The following DENND6B variants were observed in gnomAD, a reference collection of about 807,000 sequenced individuals.
The protein encoded by DENND6B is DENN domain containing 6B, also known as protein DENND6B.
Under a neutral mutation model 85.1 loss-of-function variants are expected in DENND6B, and 73 were observed. That is an observed-to-expected ratio of 0.86 (90% CI 0.71 to 1.04). DENND6B has a LOEUF of 1.04. DENND6B is among the 50% of genes least tolerant of loss of function. The probability of loss-of-function intolerance (pLI) is 0.00; values close to 1 mark genes in which losing one functional copy is unlikely to be tolerated. For missense variants in DENND6B, 715 were observed against 785.8 expected (o/e 0.91, Z 1.08); for synonymous variants, 357 against 329.3 (o/e 1.08, Z -0.91).
intron 8 of DENND6B, 91 bp from the exon 9 acceptor site, chr22:50,315,860 G>A (rs997435529): frequency 6.7e-6 from 10 of 1,482,024 alleles, no homozygotes; most frequent in Middle Eastern, 2.4e-4. Flanking sequence ...AGGGGAAGGT[G>A]GAGAGCACCC....
chr22:50,315,662 G>A, intron 9 of DENND6B, 52 bp downstream of exon 9: 2 of 1,539,150 alleles, frequency 1.3e-6, no homozygotes, highest in Admixed American at 2.0e-5. Context: ...ACATGCACGT[G>A]CACACACAGT....
At position 50,316,099 on chromosome 22, in the gene DENND6B, A is replaced by T; in HGVS notation, c.640-12T>A. 6.2e-7 allele frequency: 1 copy of T among 1,612,698 alleles called. No individual in the cohort carries two copies. Among genetic ancestry groups the T allele is most frequent in the Non-Finnish European group, 8.5e-7 (1 of 1,179,854 alleles). On this transcript the variant is annotated splice_polypyrimidine_tract_variant and intron_variant, in intron 7 of 19. Transcript: ENST00000413817. ...GATGGGATGCGCACCTGGGAGAAGGAGGGAGCAGCTGCCAGAGGGAGTAGG... is the reference window on the plus strand; with the variant it reads ...GATGGGATGCGCACCTGGGAGAAGGTGGGAGCAGCTGCCAGAGGGAGTAGG...
chr22:50,312,047 G>A lies in DENND6B; in HGVS notation c.*92C>T. The A allele has an allele frequency of 1.3e-6, 2 of 1,507,576 alleles. No individual in the cohort carries two copies. Among genetic ancestry groups the A allele is most frequent in the Non-Finnish European group, 1.8e-6 (2 of 1,127,120 alleles). The allele number at this position is 1,507,576 out of a possible 1,614,324, so 93.4% of individuals were successfully genotyped here. A position where few individuals can be genotyped will look rare whatever the true frequency, so the allele number is the denominator to read the frequency against. The stretch of plus-strand genomic sequence containing the variant: ...CAGTCTGGGCGGGGGGCCAAGGAAG[G>A]GGAGCGTGTGCTTGGCCCAGTGCCG... On this transcript the variant is annotated 3_prime_UTR_variant, in exon 20 of 20. Transcript: ENST00000413817.
Position 50,314,224 on chromosome 22 carries a change from G to T in DENND6B, c.1121C>A (p.Thr374Asn), listed in dbSNP as rs772756513. 62 of 1,607,556 alleles carry T rather than the reference G, an allele frequency of 3.9e-5. No homozygotes were observed. The highest frequency in any genetic ancestry group is 5.2e-5 in the Non-Finnish European group (61 of 1,179,380). Residue 374 changes from threonine (T) to asparagine (N), a missense_variant, in exon 13 of 20, where the codon ACC becomes AAC. By Grantham distance (65) the Thr-to-Asn change is moderately conservative. Coordinates refer to ENST00000413817, the MANE Select transcript of DENND6B (RefSeq NM_001001794.4). ...GCACAGACCTGGCTTGGTGTCCAGG[G>T]TCTTCAACCTTGAAGGCTTTTTCAG... ...VKLKKPSRLKTLDTKPGLYTA... is the reference protein window; with the variant it reads ...VKLKKPSRLKNLDTKPGLYTA...
intron 11 of DENND6B, 37 bp downstream of exon 11, chr22:50,314,568 G>T: frequency 1.3e-6 from 2 of 1,555,258 alleles, no homozygotes; most frequent in Non-Finnish European, 1.7e-6. Context: ...AGGCAGGGCG[G>T]AGCAAGGGCA....
Position 50,317,344 on chromosome 22 carries a change from C to A in DENND6B, c.402G>T (p.Val134=), listed in dbSNP as rs1245614545. Residue 134 remains valine (V), a synonymous_variant, in exon 5 of 20, where the codon GTG becomes GTT. Coordinates refer to ENST00000413817, the MANE Select transcript of DENND6B (RefSeq NM_001001794.4). ...QREPAHYFGY[V]YFRQVKDSSV... ...AGCTGTCCTTCACCTGCCTGAAGTA[C>A]ACGTAGCCGAAGTAGTGTGCCGGCT... 6.2e-7 allele frequency: 1 copy of A among 1,612,996 alleles called. No individual in the cohort carries two copies. Among genetic ancestry groups the A allele is most frequent in the Non-Finnish European group, 8.5e-7 (1 of 1,179,732 alleles).
chr22:50,316,760 C>A, intron 5 of DENND6B: 1 of 1,359,930 alleles, frequency 7.4e-7, no homozygotes, highest in Non-Finnish European at 9.7e-7. Context: ...ACGACCTCCC[C>A]AGGGGCTGAG....
rs2068059311 is a variant in DENND6B, at chr22:50,311,452, G to C, written c.*687C>G. 6.6e-6 allele frequency: 1 copy of C among 152,376 alleles called. No individual in the cohort carries two copies. The highest frequency in any genetic ancestry group is 2.1e-4 in the South Asian group (1 of 4,834). 9.4% of individuals were successfully genotyped at this position (152,376 alleles called of 1,614,324 possible). ...GGGACGCACGGAGCTGGTGCCTGGT[G>C]GGGGCTCCAGGACTGGGAGCCAGGA... On this transcript the variant is annotated 3_prime_UTR_variant, in exon 20 of 20. Transcript: ENST00000413817.
chr22:50,316,026 T>C lies in DENND6B; in HGVS notation c.701A>G (p.Glu234Gly). 1 of 1,612,580 alleles carries C rather than the reference T, an allele frequency of 6.2e-7. No individual in the cohort carries two copies. The highest frequency in any genetic ancestry group is 8.5e-7 in the Non-Finnish European group (1 of 1,179,794). Residue 234 changes from glutamate (E) to glycine (G), a missense_variant and splice_region_variant, in exon 8 of 20, where the codon GAG becomes GGG. Coordinates refer to ENST00000413817, the MANE Select transcript of DENND6B (RefSeq NM_001001794.4). ...CTCCACCTCCGCCTCAGCTCCCACC[T>C]CTTGGTCAAACTGCTTCGGAGGACT... ...ESSPPKQFDQ[E>G]NLLPAPVVLA... is the part of the protein sequence containing the mutation.
chr22:50,326,964 G>A lies in DENND6B; in HGVS notation c.25C>T (p.Pro9Ser), dbSNP rs1433978576. 8.1e-7 allele frequency: 1 copy of A among 1,241,674 alleles called. No homozygotes were observed. Among genetic ancestry groups the A allele is most frequent in the Non-Finnish European group, 1.0e-6 (1 of 997,402 alleles). 76.9% of individuals were successfully genotyped at this position (1,241,674 alleles called of 1,614,324 possible). Residue 9 changes from proline (P) to serine (S), a missense_variant, in exon 1 of 20, where the codon CCT becomes TCT. Pro to Ser is a moderately conservative substitution (Grantham distance 74). Transcript: ENST00000413817. MDALLGTG[P>S]RRARGCLGAA... ...CCCAGGCAGCCGCGAGCCCGGCGAG[G>A]CCCTGTGCCCAACAGCGCGTCCATG...
chr22:50,324,486 G>A lies in DENND6B; in HGVS notation c.177+2326C>T, dbSNP rs374408034. ...GTTGCCCAGGCTGGAGTGCCATGGC[G>A]CGATCTCGGCTCACCACAACCTCCG... is the stretch of plus-strand genomic sequence containing the variant. On this transcript the variant is annotated intron_variant, in intron 1 of 19. Coordinates refer to ENST00000413817, the MANE Select transcript of DENND6B (RefSeq NM_001001794.4). Among the ~76,000 whole-genome samples the A allele has an allele frequency of 4.6e-4, 70 of 152,276 alleles. No homozygotes were observed. In the East Asian group the frequency reaches 9.7e-3, roughly 21 times the overall value.
chr22:50,315,300 A>G (rs2041769887), intron 9 of DENND6B, among the ~76,000 whole-genome samples: 2 of 152,126 alleles, frequency 1.3e-5, no homozygotes, highest in Non-Finnish European at 2.9e-5. Context: ...GGCCCAGCAC[A>G]GAGCAGGATG....
In DENND6B at chr22:50,316,486, A is replaced by G; in HGVS notation, c.454-11T>C. On this transcript the variant is annotated splice_polypyrimidine_tract_variant and intron_variant, in intron 5 of 19. Transcript: ENST00000413817. ...CACCAGCACCAAAGACTGCAGGGCC[A>G]CGGGGCCAGTTAGAGGCCCAGTGCC... 10 of 1,564,712 alleles carry G rather than the reference A, an allele frequency of 6.4e-6. No individual in the cohort carries two copies. The highest frequency in any genetic ancestry group is 8.6e-6 in the Non-Finnish European group (10 of 1,156,110).
chr22:50,322,737 G>C (rs1386975331), intron 1 of DENND6B, among the ~76,000 whole-genome samples: 1 of 152,014 alleles, frequency 6.6e-6, no homozygotes. Context: ...TAGTAGAGAT[G>C]GGGTTTCACC....
In DENND6B at chr22:50,316,862, GTCCTGGAC is replaced by G. The variant is rs1353625792; in HGVS notation, c.454-395_454-388del. 8 of 690,730 alleles carry G rather than the reference GTCCTGGAC, an allele frequency of 1.2e-5. No individual in the cohort carries two copies. The African/African-American group carries it at 1.2e-4, about 10-fold the overall frequency. 42.8% of individuals were successfully genotyped at this position (690,730 alleles called of 1,614,324 possible). A position where few individuals can be genotyped will look rare whatever the true frequency, so the allele number is the denominator to read the frequency against. ...CCAGCCATCAGTGAGGGGCAGCAGT[GTCCTGGAC>G]CAGGACAGAAGGGCCTTGGGTCCCA... On this transcript the variant is annotated intron_variant, in intron 5 of 19. Transcript: ENST00000413817.
At position 50,326,797 on chromosome 22, in the gene DENND6B, C is replaced by G; in HGVS notation, c.177+15G>C. ...CCCTGCCCACCCGCCCGCGCCCGCG[C>G]TCGCGCCCGCTCACCTCCAGCGCCT... is the stretch of plus-strand genomic sequence containing the variant. On this transcript the variant is annotated intron_variant, in intron 1 of 19. Coordinates refer to ENST00000413817, the MANE Select transcript of DENND6B (RefSeq NM_001001794.4). 1 of 1,380,586 alleles carries G rather than the reference C, an allele frequency of 7.2e-7. No homozygotes were observed. The highest frequency in any genetic ancestry group is 9.3e-7 in the Non-Finnish European group (1 of 1,072,580). 85.5% of individuals were successfully genotyped at this position (1,380,586 alleles called of 1,614,324 possible).
chr22:50,313,382 T>G lies in DENND6B; in HGVS notation c.1347+64A>C, dbSNP rs912658966. 17 of 1,519,180 alleles carry G rather than the reference T, an allele frequency of 1.1e-5. No homozygotes were observed. The East Asian group carries it at 4.2e-4, about 37-fold the overall frequency. 94.1% of individuals were successfully genotyped at this position (1,519,180 alleles called of 1,614,324 possible). A position where few individuals can be genotyped will look rare whatever the true frequency, so the allele number is the denominator to read the frequency against. On this transcript the variant is annotated intron_variant, in intron 16 of 19. Coordinates refer to ENST00000413817, the MANE Select transcript of DENND6B (RefSeq NM_001001794.4). ...ACAGCCTCCTGCTCCAGACCTTCCC[T>G]CCTCCGGGTGAGGAAGGGAACCCGC...
At chr22:50,324,542 A>G (rs2042140351) in intron 1 of DENND6B, among the ~76,000 whole-genome samples, 1 of 152,176 alleles carries the variant, frequency 6.6e-6, no homozygotes, top group African/African-American at 2.4e-5. Flanking sequence ...TGCCTGCCTC[A>G]GCTTCCTGAG....
chr22:50,314,709 A>C lies in DENND6B; in HGVS notation c.882-9T>G. The C allele has an allele frequency of 6.4e-7, 1 of 1,567,556 alleles. No homozygotes were observed. The highest frequency in any genetic ancestry group is 8.6e-7 in the Non-Finnish European group (1 of 1,157,056). ...TGAGGGGCTGCAGGCAGCTGTGGGC[A>C]GAGGCAGCAGGGAGCAGGTGAGGCA... On this transcript the variant is annotated splice_polypyrimidine_tract_variant and intron_variant, in intron 10 of 19. Transcript: ENST00000413817.
Sources: allele counts gnomAD v4.1 joint callset (sites outside exome capture counted in the v4.1 genomes callset), GRCh38; gene constraint gnomAD v4.1.1; transcripts MANE v1.5; gene names NCBI Gene and HGNC (gene_info 2026-07-23, HGNC 2026-07-21).